The following ADGRL4 variants were observed in gnomAD, a reference collection of about 807,000 sequenced individuals.
The protein encoded by ADGRL4 is adhesion G protein-coupled receptor L4.
Under a neutral mutation model 74.8 loss-of-function variants are expected in ADGRL4, and 90 were observed. The ratio of observed to expected loss-of-function variants is 1.20; its 90% CI spans 1.02 to 1.43. ADGRL4 has a LOEUF of 1.43. Ranked by LOEUF, ADGRL4 falls within the 40% of genes most tolerant of loss-of-function variation. ADGRL4 has a pLI of 0.00. For missense variants in ADGRL4, 881 were observed against 814.3 expected (o/e 1.08, Z -1.00); for synonymous variants, 311 against 279.2 (o/e 1.11, Z -1.14).
chr1:78,968,198 G>T (rs749450994), intron 2 of ADGRL4, among the ~76,000 whole-genome samples: 4 of 152,044 alleles, frequency 2.6e-5, no homozygotes, highest in Non-Finnish European at 5.9e-5. Context: ...AAGCTACAGA[G>T]ATAACCAAAC....
intron 2 of ADGRL4, among the ~76,000 whole-genome samples, chr1:78,987,625 AAAGT>A (rs927318058): frequency 6.6e-6 from 1 of 151,854 alleles, no homozygotes; most frequent in African/African-American, 2.4e-5. Flanking sequence ...GTAGAAGAAC[AAAGT>A]ATGTTATTGG....
intron 12 of ADGRL4, among the ~76,000 whole-genome samples, chr1:78,908,113 CTT>C (rs1302888701): frequency 6.6e-6 from 1 of 151,932 alleles, no homozygotes; most frequent in East Asian, 1.9e-4. Flanking sequence ...ATGACAAACA[CTT>C]ATAGAGAAGT....
chr1:78,949,701 C>T lies in ADGRL4; in HGVS notation c.173-3275G>A, dbSNP rs148342372. Among the ~76,000 whole-genome samples the T allele has an allele frequency of 3.7e-3, 569 of 152,192 alleles. 6 individuals carry two copies. Among genetic ancestry groups the T allele is most frequent in the African/African-American group, 0.013 (544 of 41,538 alleles). ...AGTATAGAAAAATAAAAGTCTGCTT[C>T]TTGGGCACTCTTATTTCTAATGTTC... On this transcript the variant is annotated intron_variant, in intron 2 of 14. Transcript: ENST00000370742.
intron 2 of ADGRL4, among the ~76,000 whole-genome samples, chr1:78,974,127 A>C (rs540609058): frequency 2.0e-5 from 3 of 152,134 alleles, no homozygotes; most frequent in Non-Finnish European, 4.4e-5. Flanking sequence ...TCAAACACGC[A>C]TATAAATGTT....
At chr1:78,967,818 C>A (rs999290702) in intron 2 of ADGRL4, among the ~76,000 whole-genome samples, 1 of 147,622 alleles carries the variant, frequency 6.8e-6, no homozygotes, top group African/African-American at 2.5e-5. Flanking sequence ...ATTTTCGAGT[C>A]ATCATTTTGC....
intron 13 of ADGRL4, among the ~76,000 whole-genome samples, chr1:78,891,931 C>T (rs1442633372): frequency 6.6e-6 from 1 of 152,062 alleles, no homozygotes; most frequent in Non-Finnish European, 1.5e-5. Flanking sequence ...TTGCTGTTAC[C>T]AAAACATGTT....
chr1:78,893,984 T>G (rs1570206231), intron 12 of ADGRL4, among the ~76,000 whole-genome samples: 1 of 151,860 alleles, frequency 6.6e-6, no homozygotes. Flanking sequence ...AATGTATAGA[T>G]AGTCTAATAT....
At chr1:78,903,807 G>A (rs1023427536) in intron 12 of ADGRL4, among the ~76,000 whole-genome samples, 5 of 151,900 alleles carry the variant, frequency 3.3e-5, no homozygotes, top group African/African-American at 7.2e-5. Flanking sequence ...CTGGAGGCAC[G>A]TGCCTGTAGT....
chr1:78,923,785 G>A (rs1285190737), intron 8 of ADGRL4, among the ~76,000 whole-genome samples: 2 of 151,490 alleles, frequency 1.3e-5, no homozygotes, highest in African/African-American at 2.4e-5. Context: ...AATATTAGGA[G>A]AAAAATTAAA....
intron 7 of ADGRL4, among the ~76,000 whole-genome samples, chr1:78,933,753 T>C (rs902688726): frequency 6.9e-6 from 1 of 144,906 alleles, no homozygotes; most frequent in Non-Finnish European, 1.5e-5. Flanking sequence ...AAAATCAATG[T>C]GCAAAAATCA....
intron 12 of ADGRL4, 47 bp downstream of exon 12, chr1:78,917,587 T>A (rs777682843): frequency 7.6e-7 from 1 of 1,320,442 alleles, no homozygotes; most frequent in Non-Finnish European, 1.1e-6. Flanking sequence ...AAGCACCCTA[T>A]GATCATCACT....
At position 78,989,020 on chromosome 1, in the gene ADGRL4, G is replaced by A. The variant is rs748121499; in HGVS notation, c.172+16050C>T. Among the ~76,000 whole-genome samples, 100 of 151,486 alleles carry A rather than the reference G, an allele frequency of 6.6e-4. 1 individual carries two copies. The highest frequency in any genetic ancestry group is 4.6e-3 in the South Asian group (22 of 4,806). ...AAATCTGTCATCTATCATTTATTTC[G>A]TATATTTTAAGTAACTAATTTCAGT... On this transcript the variant is annotated intron_variant, in intron 2 of 14. Coordinates refer to ENST00000370742, the MANE Select transcript of ADGRL4 (RefSeq NM_022159.4).
At chr1:78,912,418 C>G (rs1433474918) in intron 12 of ADGRL4, among the ~76,000 whole-genome samples, 1 of 151,728 alleles carries the variant, frequency 6.6e-6, no homozygotes, top group East Asian at 1.9e-4. Flanking sequence ...GGCCATGAAC[C>G]AGTACTGCCT....
chr1:78,927,161 C>A, intron 7 of ADGRL4, 70 bp from the exon 8 acceptor site: 1 of 1,018,064 alleles, frequency 9.8e-7, no homozygotes, highest in African/African-American at 1.6e-5. Flanking sequence ...TTAAGATAAA[C>A]ATAAAAATTG....
chr1:78,917,788 C>G, intron 11 of ADGRL4, 42 bp downstream of exon 11: 2 of 1,594,394 alleles, frequency 1.3e-6, no homozygotes, highest in Non-Finnish European at 1.7e-6. Flanking sequence ...AAAGCACATT[C>G]AAAATCGTAT....
chr1:78,926,636 T>C (rs1649120237), intron 8 of ADGRL4, among the ~76,000 whole-genome samples: 1 of 152,026 alleles, frequency 6.6e-6, no homozygotes, highest in Admixed American at 6.6e-5. Flanking sequence ...TACTTATAAA[T>C]AAAACTAAAA....
At position 78,917,937 on chromosome 1, in the gene ADGRL4, G is replaced by C; in HGVS notation, c.1575C>G (p.Asn525Lys). ...AAAAATTCTTGTGCAAAAATCCCTT[G>C]TTGTAGATGACACCCACAACAATGA... The part of the protein sequence containing the change: ...LYLIVVGVIY[N>K]KGFLHKNFYI... The change falls in exon 11 of 15, where the codon AAC becomes AAG. Residue 525 changes from asparagine (N) to lysine (K), a missense_variant. Transcript: ENST00000370742. 6.2e-7 allele frequency: 1 copy of C among 1,612,500 alleles called. No homozygotes were observed. Among genetic ancestry groups the C allele is most frequent in the Non-Finnish European group, 8.5e-7 (1 of 1,179,092 alleles).
intron 7 of ADGRL4, among the ~76,000 whole-genome samples, chr1:78,928,089 G>C (rs1649156516): frequency 6.6e-6 from 1 of 151,600 alleles, no homozygotes. Flanking sequence ...ACATGACCAG[G>C]TCCAGTTGAT....
intron 13 of ADGRL4, among the ~76,000 whole-genome samples, chr1:78,892,380 G>C (rs1350943229): frequency 6.6e-6 from 1 of 152,012 alleles, no homozygotes; most frequent in Admixed American, 6.6e-5. Flanking sequence ...TGCTCACTAA[G>C]GACATTGCCT....
Sources: gnomAD v4.1 joint callset for allele counts (sites outside exome capture counted in the v4.1 genomes callset) on GRCh38, gnomAD v4.1.1 for gene constraint, MANE v1.5 for transcripts, NCBI Gene and HGNC (gene_info 2026-07-23, HGNC 2026-07-21) for gene names.